Variants in ADCY5 observed in about 807,000 individuals in gnomAD.
ADCY5 encodes adenylate cyclase 5.
ADCY5 carries 30 observed loss-of-function variants against 119.7 expected under a neutral mutation model. That is an observed-to-expected ratio of 0.25 (90% CI 0.19 to 0.34). The LOEUF (loss-of-function observed/expected upper bound fraction) is 0.34, where lower values mean the gene tolerates loss of function less well. ADCY5 is among the 10% of genes least tolerant of loss of function. ADCY5 has a pLI of 1.00. For synonymous variants in ADCY5, 753 were observed against 762.2 expected, an observed-to-expected ratio of 0.99 and a Z score of 0.20; for missense variants, 1,324 against 1,775.2, an observed-to-expected ratio of 0.75 and a Z score of 4.57.
chr3:123,369,676 T>C (rs1943566042), intron 1 of ADCY5, among the ~76,000 whole-genome samples: 1 of 152,218 alleles, frequency 6.6e-6, no homozygotes, highest in African/African-American at 2.4e-5. Flanking sequence ...AAAGGCCTGG[T>C]GAACAGCAAG....
In ADCY5 at chr3:123,399,687, T is replaced by C. The variant is rs551049520; in HGVS notation, c.1135-47106A>G. Among the ~76,000 whole-genome samples, 4 of 152,344 alleles carry C rather than the reference T, an allele frequency of 2.6e-5. No individual in the cohort carries two copies. The South Asian group carries it at 8.3e-4, about 32-fold the overall frequency. ...TTCTTCGATAGATACCTCCAATTAT[T>C]TCTGGAACAAACTGGTATTACCAGT... On this transcript the variant is annotated intron_variant, in intron 1 of 20. Coordinates refer to ENST00000462833, the MANE Select transcript of ADCY5 (RefSeq NM_183357.3).
chr3:123,424,503 G>C (rs1012877455), intron 1 of ADCY5, among the ~76,000 whole-genome samples: 1 of 152,192 alleles, frequency 6.6e-6, no homozygotes, highest in African/African-American at 2.4e-5. Flanking sequence ...AGATGGTCCA[G>C]GCAGAATGCA....
chr3:123,285,105 G>A (rs1331291206), intron 20 of ADCY5, among the ~76,000 whole-genome samples: 1 of 152,200 alleles, frequency 6.6e-6, no homozygotes, highest in Non-Finnish European at 1.5e-5. Context: ...CCTGGCTGCA[G>A]CCCGTCTCCA....
At chr3:123,333,909 G>A (rs1184948564) in intron 3 of ADCY5, among the ~76,000 whole-genome samples, 1 of 152,170 alleles carries the variant, frequency 6.6e-6, no homozygotes, top group African/African-American at 2.4e-5. Context: ...GAGACCCAGG[G>A]AGGAGAAAGG....
Position 123,319,695 on chromosome 3 carries a change from C to A in ADCY5, c.2235G>T (p.Arg745Ser). 6.2e-7 allele frequency: 1 copy of A among 1,614,232 alleles called. No homozygotes were observed. ...EHVRKFLLTF[R>S]EPDLEKKYSK... ...GTACCTTCTTCTCTAAGTCAGGCTC[C>A]CTGAAGGTCAGGAGGAACTTGCGGA... is the stretch of plus-strand genomic sequence containing the variant. The change falls in exon 10 of 21, where the codon AGG (arginine) becomes AGT (serine). Residue 745 changes from arginine to serine, a missense_variant. Arg to Ser is a moderately radical substitution (Grantham distance 110, BLOSUM62 -1). Coordinates refer to ENST00000462833, the MANE Select transcript of ADCY5 (RefSeq NM_183357.3).
At chr3:123,368,725 G>A (rs376832962) in intron 1 of ADCY5, among the ~76,000 whole-genome samples, 6 of 150,112 alleles carry the variant, frequency 4.0e-5, no homozygotes, top group South Asian at 4.2e-4. Context: ...GCACTCCAGC[G>A]TGGGTGACAG....
intron 1 of ADCY5, among the ~76,000 whole-genome samples, chr3:123,393,149 G>C (rs1944443136): frequency 1.3e-5 from 2 of 152,146 alleles, no homozygotes; most frequent in African/African-American, 4.8e-5. Flanking sequence ...TGATACAAAA[G>C]AGCCCGGGGT....
intron 1 of ADCY5, chr3:123,416,308 T>A: frequency 2.0e-6 from 3 of 1,535,954 alleles, no homozygotes; most frequent in Non-Finnish European, 2.6e-6. Context: ...AAAAAGGGGC[T>A]AAAGGCAATA....
chr3:123,321,383 C>G (rs974257112), intron 8 of ADCY5, among the ~76,000 whole-genome samples: 2 of 152,214 alleles, frequency 1.3e-5, no homozygotes, highest in Non-Finnish European at 2.9e-5. Flanking sequence ...TGCCACAGAT[C>G]TGACTGCTGT....
chr3:123,435,014 G>A (rs140825152), intron 1 of ADCY5, among the ~76,000 whole-genome samples: 1 of 152,336 alleles, frequency 6.6e-6, no homozygotes, highest in African/African-American at 2.4e-5. Context: ...GCTGGGCGCA[G>A]TGGCACACAC....
chr3:123,297,069 G>A (rs1939560862), intron 16 of ADCY5: 2 of 1,534,730 alleles, frequency 1.3e-6, no homozygotes, highest in Non-Finnish European at 1.7e-6. Flanking sequence ...GGAAGAGCTT[G>A]AGGTTAAATG....
intron 3 of ADCY5, among the ~76,000 whole-genome samples, chr3:123,338,869 T>G (rs573015277): frequency 6.1e-4 from 93 of 152,244 alleles, no homozygotes; most frequent in Admixed American, 1.2e-3. Context: ...GGCCCATGAC[T>G]TTATGAAGCT....
intron 1 of ADCY5, among the ~76,000 whole-genome samples, chr3:123,361,585 T>C (rs542236929): frequency 6.7e-6 from 1 of 149,350 alleles, no homozygotes; most frequent in Admixed American, 6.9e-5. Context: ...GAACAATAGG[T>C]GGCCTCTGTG....
chr3:123,300,161 C>T lies in ADCY5; in HGVS notation c.2859G>A (p.Thr953=), dbSNP rs1476712867. 3.7e-6 allele frequency: 6 copies of T among 1,613,872 alleles called. No individual in the cohort carries two copies. Among genetic ancestry groups the T allele is most frequent in the Middle Eastern group, 3.3e-4 (2 of 6,062 alleles). The change falls in exon 15 of 21, where the codon ACG becomes ACA. Residue 953 remains threonine, a synonymous_variant. Coordinates refer to ENST00000462833, the MANE Select transcript of ADCY5 (RefSeq NM_183357.3). ...CCAGCAGGTCGGCGTTGTCGAAGAG[C>T]GTGACACCTGGCACCTCCACGATGA... ...YVLIVEVPGV[T]LFDNADLLVT... is the part of the protein sequence containing the mutation.
intron 12 of ADCY5, among the ~76,000 whole-genome samples, chr3:123,308,191 G>A (rs1940314746): frequency 1.3e-5 from 2 of 151,344 alleles, no homozygotes; most frequent in Non-Finnish European, 2.9e-5. Context: ...CCACCACCAC[G>A]CCCGGCTAAT....
At chr3:123,432,089 GC>G (rs1945533675) in intron 1 of ADCY5, among the ~76,000 whole-genome samples, 1 of 152,184 alleles carries the variant, frequency 6.6e-6, no homozygotes, top group Non-Finnish European at 1.5e-5. Context: ...CAGCCAGAAA[GC>G]CTAAGTCTCA....
chr3:123,353,755 G>A (rs1016956122), intron 1 of ADCY5, among the ~76,000 whole-genome samples: 5 of 152,270 alleles, frequency 3.3e-5, no homozygotes, highest in African/African-American at 9.6e-5. Context: ...TGACTCCTAC[G>A]CTCTTCTCTA....
intron 1 of ADCY5, among the ~76,000 whole-genome samples, chr3:123,366,260 G>A (rs1478255652): frequency 3.9e-5 from 6 of 152,224 alleles, no homozygotes; most frequent in African/African-American, 1.4e-4. Context: ...GGCAGGACAG[G>A]AGGGACCTGG....
At position 123,447,415 on chromosome 3, in the gene ADCY5, C is replaced by A. The variant is rs1486703083; in HGVS notation, c.1131G>T (p.Lys377Asn). The A allele has an allele frequency of 1.3e-6, 2 of 1,571,414 alleles. No homozygotes were observed. Among genetic ancestry groups the A allele is most frequent in the African/African-American group, 2.7e-5 (2 of 74,340 alleles). The change falls in exon 1 of 21, where the codon AAG (lysine) becomes AAT (asparagine). Residue 377 changes from lysine (K) to asparagine (N), a missense_variant. Coordinates refer to ENST00000462833, the MANE Select transcript of ADCY5 (RefSeq NM_183357.3). ...RTNAQDQFLLKQLVSNVLIFS... is the reference protein window; with the variant it reads ...RTNAQDQFLLNQLVSNVLIFS... ...CGGTGGCCAGGTCGGCCCCTACCTG[C>A]TTCAGCAGGAACTGGTCCTGGGCGT...
Sources: allele counts gnomAD v4.1 joint callset (sites outside exome capture counted in the v4.1 genomes callset), GRCh38; gene constraint gnomAD v4.1.1; transcripts MANE v1.5; gene names NCBI Gene and HGNC (gene_info 2026-07-23, HGNC 2026-07-21).